Variants in CNTN3 observed in about 807,000 individuals in gnomAD.
CNTN3 encodes contactin-3.
CNTN3 carries 60 observed loss-of-function variants against 119.1 expected under a neutral mutation model. The ratio of observed to expected loss-of-function variants is 0.50; its 90% CI spans 0.41 to 0.62. The LOEUF (loss-of-function observed/expected upper bound fraction) is 0.62. CNTN3 is among the 20% of genes least tolerant of loss of function. The pLI is 0.00. For synonymous variants in CNTN3, 450 were observed against 438.7 expected, an observed-to-expected ratio of 1.03 and a Z score of -0.32; for missense variants, 1,101 against 1,242.4, an observed-to-expected ratio of 0.89 and a Z score of 1.71.
intron 4 of CNTN3, among the ~76,000 whole-genome samples, chr3:74,448,120 C>T (rs1702082448): frequency 6.6e-6 from 1 of 152,154 alleles, no homozygotes. Flanking sequence ...TACACTTACT[C>T]AATATGATTC....
At chr3:74,274,515 G>A (rs148916329) in intron 20 of CNTN3, among the ~76,000 whole-genome samples, 1 of 152,094 alleles carries the variant, frequency 6.6e-6, no homozygotes, top group Non-Finnish European at 1.5e-5. Flanking sequence ...GCCCGAGCCT[G>A]GTAGACATGC....
chr3:74,401,971 A>G (rs530246373), intron 5 of CNTN3, among the ~76,000 whole-genome samples: 37 of 152,334 alleles, frequency 2.4e-4, no homozygotes, highest in African/African-American at 8.7e-4. Context: ...TAAGCTCTGT[A>G]AAAGATACAA....
chr3:74,286,580 C>T (rs961038959), intron 19 of CNTN3, among the ~76,000 whole-genome samples: 1 of 152,112 alleles, frequency 6.6e-6, no homozygotes, highest in Non-Finnish European at 1.5e-5. Context: ...TTAAGGGACA[C>T]TGAGGGTAGA....
At chr3:74,304,897 GAAT>G (rs1702528271) in intron 13 of CNTN3, among the ~76,000 whole-genome samples, 1 of 152,070 alleles carries the variant, frequency 6.6e-6, no homozygotes, top group Non-Finnish European at 1.5e-5. Context: ...ATTTGACAGA[GAAT>G]AAGAGAGATC....
At position 74,493,436 on chromosome 3, in the gene CNTN3, T is replaced by C. The variant is rs75163423; in HGVS notation, c.182+6223A>G. Among the ~76,000 whole-genome samples, 735 of 152,272 alleles carry C rather than the reference T, an allele frequency of 4.8e-3. 9 individuals are homozygous for C. Among genetic ancestry groups the C allele is most frequent in the African/African-American group, 0.017 (706 of 41,558 alleles). ...GTCACACAAGATCTGGTCTGGACAA[T>C]GGACATACAAACAACATTCTAGAGA... On this transcript the variant is annotated intron_variant, in intron 3 of 22. Transcript: ENST00000263665.
At position 74,296,285 on chromosome 3, in the gene CNTN3, G is replaced by A. The variant is rs74970959; in HGVS notation, c.2402-1049C>T. Among the ~76,000 whole-genome samples the A allele has an allele frequency of 6.2e-3, 947 of 152,260 alleles. 4 individuals carry two copies. The highest frequency in any genetic ancestry group is 0.022 in the African/African-American group (909 of 41,550). On this transcript the variant is annotated intron_variant, in intron 18 of 22. Coordinates refer to ENST00000263665, the MANE Select transcript of CNTN3 (RefSeq NM_020872.3). The stretch of plus-strand genomic sequence containing the variant: ...AGAAAAATGAGGGAGGCAACAATGC[G>A]TAAGAGGCTGTGGCTGCCCCTCTTT...
chr3:74,363,522 A>G (rs1252227596), intron 10 of CNTN3, among the ~76,000 whole-genome samples: 2 of 152,120 alleles, frequency 1.3e-5, no homozygotes, highest in Non-Finnish European at 2.9e-5. Flanking sequence ...GTTGAGAAAC[A>G]CTGACTTAAA....
intron 4 of CNTN3, among the ~76,000 whole-genome samples, chr3:74,478,130 G>C (rs1295208096): frequency 6.6e-6 from 1 of 152,132 alleles, no homozygotes; most frequent in African/African-American, 2.4e-5. Context: ...TAGAAAACAG[G>C]TGTGATGATA....
chr3:74,579,100 G>A (rs1304827430), intron 1 of CNTN3, among the ~76,000 whole-genome samples: 2 of 151,876 alleles, frequency 1.3e-5, no homozygotes, highest in Non-Finnish European at 2.9e-5. Flanking sequence ...AAGAAAGCTA[G>A]TATTTCGTGC....
chr3:74,438,188 T>A (rs1701903734), intron 4 of CNTN3, among the ~76,000 whole-genome samples: 1 of 152,180 alleles, frequency 6.6e-6, no homozygotes, highest in Non-Finnish European at 1.5e-5. Context: ...TAAGAACTTT[T>A]TAATAGTGTA....
rs564724540 is a variant in CNTN3 at position 74,479,757 on chromosome 3, A to G, written c.358+6699T>C. On this transcript the variant is annotated intron_variant, in intron 4 of 22. Coordinates refer to ENST00000263665, the MANE Select transcript of CNTN3 (RefSeq NM_020872.3). Reference sequence around the variant, plus strand: ...GGTGAAGGGAGATCCCAGAAAGACAATTTTGTTCCTGATATACAGGAAAAC... The same window carrying G: ...GGTGAAGGGAGATCCCAGAAAGACAGTTTTGTTCCTGATATACAGGAAAAC... Among the ~76,000 whole-genome samples, 13 of 152,082 alleles carry G rather than the reference A, an allele frequency of 8.5e-5. No homozygotes were observed. In the South Asian group the frequency reaches 2.7e-3, roughly 32 times the overall value.
intron 1 of CNTN3, among the ~76,000 whole-genome samples, chr3:74,571,188 C>T (rs1424031323): frequency 1.3e-5 from 2 of 152,158 alleles, no homozygotes; most frequent in East Asian, 3.9e-4. Context: ...CCATTTAATA[C>T]ATATGAAGTG....
At chr3:74,320,184 G>A (rs9310293) in intron 13 of CNTN3, among the ~76,000 whole-genome samples, 2 of 152,044 alleles carry the variant, frequency 1.3e-5, no homozygotes, top group African/African-American at 4.8e-5. Flanking sequence ...ACCCAAAGGA[G>A]TATAAATCAT....
At chr3:74,305,228 T>G (rs113217346) in intron 13 of CNTN3, among the ~76,000 whole-genome samples, 1 of 152,156 alleles carries the variant, frequency 6.6e-6, no homozygotes, top group African/African-American at 2.4e-5. Context: ...ATGCCATGTG[T>G]AGACGACGGC....
intron 5 of CNTN3, among the ~76,000 whole-genome samples, chr3:74,415,584 T>C (rs949828905): frequency 6.6e-6 from 1 of 152,206 alleles, no homozygotes; most frequent in Non-Finnish European, 1.5e-5. Flanking sequence ...TTGCATTAGT[T>C]ATGAGTTTGT....
chr3:74,394,334 A>T (rs138280347), intron 5 of CNTN3, among the ~76,000 whole-genome samples: 106 of 152,322 alleles, frequency 7.0e-4, no homozygotes, highest in African/African-American at 2.4e-3. Flanking sequence ...TTAACCATAC[A>T]GTCATAGCAA....
chr3:74,333,711 G>A (rs747472447), intron 13 of CNTN3, among the ~76,000 whole-genome samples: 8 of 152,118 alleles, frequency 5.3e-5, no homozygotes, highest in Admixed American at 1.3e-4. Context: ...ATATTTTTGG[G>A]AGGACACAAT....
At chr3:74,391,342 G>C (rs909822388) in intron 5 of CNTN3, among the ~76,000 whole-genome samples, 4 of 152,162 alleles carry the variant, frequency 2.6e-5, no homozygotes, top group South Asian at 2.1e-4. Context: ...GTGCTCAGGT[G>C]TATGGGCTCT....
Position 74,455,975 on chromosome 3 carries a change from C to G in CNTN3, c.358+30481G>C, listed in dbSNP as rs185624371. 5.2e-3 allele frequency among the ~76,000 whole-genome samples: 794 copies of G among 152,170 alleles called. 8 individuals are homozygous for G. Among genetic ancestry groups the G allele is most frequent in the Admixed American group, 0.012 (189 of 15,270 alleles). On this transcript the variant is annotated intron_variant, in intron 4 of 22. Coordinates refer to ENST00000263665, the MANE Select transcript of CNTN3 (RefSeq NM_020872.3). Reference sequence around the variant, plus strand: ...TCTGGAGAACCACATTGAAATCTAACTGGTTTATGCCATAGATTATTACAC... The same window carrying G: ...TCTGGAGAACCACATTGAAATCTAAGTGGTTTATGCCATAGATTATTACAC...
Sources: allele counts gnomAD v4.1 joint callset (sites outside exome capture counted in the v4.1 genomes callset), GRCh38; gene constraint gnomAD v4.1.1; transcripts MANE v1.5; gene names NCBI Gene and HGNC (gene_info 2026-07-23, HGNC 2026-07-21).